ODF2: variants seen among roughly 807,000 people sequenced by gnomAD.
ODF2 encodes outer dense fiber protein 2.
Under a neutral mutation model 110.2 loss-of-function variants are expected in ODF2, and 47 were observed. That is an observed-to-expected ratio of 0.43 (90% CI 0.34 to 0.54). ODF2 has a LOEUF of 0.54. Among genes scored for constraint, ODF2 ranks in the 20% least tolerant of loss-of-function variants. The pLI, the probability that ODF2 is intolerant of heterozygous loss-of-function variation, is 0.03. For missense variants in ODF2, 812 were observed against 1,054.5 expected (o/e 0.77, Z 3.19); for synonymous variants, 352 against 397.7 (o/e 0.89, Z 1.37).
chr9:128,465,517 C>T (rs113567294), intron 4 of ODF2, among the ~76,000 whole-genome samples: 4,277 of 152,014 alleles, frequency 0.028, 105 homozygotes, highest in African/African-American at 0.069. Context: ...CCAAGGCAGG[C>T]GGATCATGAG....
chr9:128,457,503 A>G, intron 2 of ODF2: 2 of 1,506,494 alleles, frequency 1.3e-6, no homozygotes, highest in Non-Finnish European at 1.8e-6. Context: ...TCCCCAGGGC[A>G]GGCTCGCCTG....
Position 128,473,519 on chromosome 9 carries a change from G to A in ODF2, c.712-91G>A. On this transcript the variant is annotated intron_variant, in intron 7 of 20. Transcript: ENST00000604420. The stretch of plus-strand genomic sequence containing the variant: ...TACACAGCCTGGTTCTCCTTGTCTG[G>A]GCTTTCTGGCACCAGACCTCTTGAG... 6 of 1,560,902 alleles carry A rather than the reference G, an allele frequency of 3.8e-6. No homozygotes were observed. In the South Asian group the frequency reaches 6.0e-5, roughly 16 times the overall value.
chr9:128,484,416 G>A (rs760631841), intron 11 of ODF2, among the ~76,000 whole-genome samples: 3 of 152,156 alleles, frequency 2.0e-5, no homozygotes, highest in Non-Finnish European at 2.9e-5. Flanking sequence ...AACTATCTCT[G>A]ACCACAAGGC....
chr9:128,492,494 A>G, exon 15 of ODF2: 2 of 1,614,026 alleles, frequency 1.2e-6, no homozygotes, highest in African/African-American at 1.3e-5. Context: ...TGAAGGCCTC[A>G]GTGAAGAACT....
At chr9:128,499,154 G>C (rs1396033045) in intron 20 of ODF2, 28 bp downstream of exon 20, 2 of 1,613,774 alleles carry the variant, frequency 1.2e-6, no homozygotes, top group Non-Finnish European at 1.7e-6. Flanking sequence ...GCCGGGCTAG[G>C]AGAGTGGGCA....
At chr9:128,492,058 G>T (rs1302064020) in intron 14 of ODF2, among the ~76,000 whole-genome samples, 1 of 151,868 alleles carries the variant, frequency 6.6e-6, no homozygotes, top group Non-Finnish European at 1.5e-5. Flanking sequence ...GTAGAGACAG[G>T]ATTTCACTGT....
At chr9:128,467,001 AAAAAAAAAAAAAAATATATATAT>A (rs1838185528) in intron 4 of ODF2, among the ~76,000 whole-genome samples, 1 of 66,924 alleles carries the variant, frequency 1.5e-5, no homozygotes, top group East Asian at 4.6e-4. Flanking sequence ...AAAAAAAAAA[AAAAAAAAAAAAAAATATATATAT>A]ATATATATAT....
At chr9:128,479,050 C>A (rs1841917709) in intron 8 of ODF2, among the ~76,000 whole-genome samples, 1 of 152,158 alleles carries the variant, frequency 6.6e-6, no homozygotes, top group Admixed American at 6.5e-5. Flanking sequence ...CCAGGGGAGG[C>A]CTGGAGGGCA....
At chr9:128,460,950 C>G (rs2131489035) in exon 4 of ODF2, 2 of 1,614,204 alleles carry the variant, frequency 1.2e-6, no homozygotes, top group Non-Finnish European at 1.7e-6. Context: ...AGAAATCTCA[C>G]AAGCGAGGAA....
intron 4 of ODF2, 100 bp downstream of exon 4, chr9:128,461,167 T>C: frequency 6.9e-7 from 1 of 1,448,070 alleles, no homozygotes; most frequent in Non-Finnish European, 9.4e-7. Context: ...TACTGGAATG[T>C]CCTAACAGAC....
intron 5 of ODF2, among the ~76,000 whole-genome samples, chr9:128,469,639 C>T (rs535196496): frequency 2.0e-5 from 3 of 152,232 alleles, no homozygotes; most frequent in African/African-American, 4.8e-5. Context: ...GTGTTACTGT[C>T]CTCATTACAG....
chr9:128,497,446 A>AAAAATATAT (rs1554857542), intron 18 of ODF2: 7 of 42,594 alleles, frequency 1.6e-4, no homozygotes, highest in Non-Finnish European at 2.1e-4. Flanking sequence ...AAAAAAAAAA[A>AAAAATATAT]ATATATATAT....
chr9:128,476,632 G>C lies in ODF2; in HGVS notation c.843+2891G>C, dbSNP rs1841334166. 1.3e-5 allele frequency among the ~76,000 whole-genome samples: 2 copies of C among 148,692 alleles called. 1 individual carries two copies. Among genetic ancestry groups the C allele is most frequent in the Admixed American group, 1.3e-4 (2 of 14,924 alleles). ...GTTTTGTTTTAACATTGTCAACCTTGTTTTTATCTTTTTTTTTTTTCTTGA... is the reference window on the plus strand; with the variant it reads ...GTTTTGTTTTAACATTGTCAACCTTCTTTTTATCTTTTTTTTTTTTCTTGA... On this transcript the variant is annotated intron_variant, in intron 8 of 20. Transcript: ENST00000604420.
intron 13 of ODF2, among the ~76,000 whole-genome samples, chr9:128,486,139 C>T (rs778455275): frequency 1.3e-5 from 2 of 152,176 alleles, no homozygotes; most frequent in African/African-American, 4.8e-5. Flanking sequence ...CTGCCCTCTA[C>T]TCTGTAGAGG....
chr9:128,481,883 G>A (rs1450031656), intron 9 of ODF2, among the ~76,000 whole-genome samples: 1 of 152,198 alleles, frequency 6.6e-6, no homozygotes, highest in Non-Finnish European at 1.5e-5. Context: ...AACATAGAGA[G>A]GGTAATGATG....
intron 4 of ODF2, among the ~76,000 whole-genome samples, chr9:128,462,116 T>G (rs1836626888): frequency 6.6e-6 from 1 of 151,898 alleles, no homozygotes; most frequent in East Asian, 1.9e-4. Flanking sequence ...AACTATCTCC[T>G]GCCAGCAAGC....
In ODF2 at chr9:128,494,145, C is replaced by T. The variant is rs1159677926; in HGVS notation, c.1753-365C>T. 6.6e-6 allele frequency among the ~76,000 whole-genome samples: 1 copy of T among 152,122 alleles called. No individual in the cohort carries two copies. Among genetic ancestry groups the T allele is most frequent in the African/African-American group, 2.4e-5 (1 of 41,416 alleles). On this transcript the variant is annotated intron_variant, in intron 16 of 20. Coordinates refer to ENST00000604420, the Ensembl canonical transcript of ODF2. This position sits in a 1 kb window ranked among gnomAD's most constrained non-coding sequence, Gnocchi z 4.6. Reference sequence around the variant, plus strand: ...TGTTTACCAGTTTTTAGCTGAATGACCTTGGGCAAATGACTTAGCTCTCTT... The same window carrying T: ...TGTTTACCAGTTTTTAGCTGAATGATCTTGGGCAAATGACTTAGCTCTCTT...
chr9:128,455,198 T>C, upstream of ODF2: 1 of 1,535,386 alleles, frequency 6.5e-7, no homozygotes, highest in South Asian at 1.2e-5. Context: ...ATTGAGAAGA[T>C]GGCGGACCAG....
rs180995732 is a variant in ODF2 at position 128,477,759 on chromosome 9, C to T, written c.844-3821C>T. On this transcript the variant is annotated intron_variant, in intron 8 of 20. Coordinates refer to ENST00000604420, the Ensembl canonical transcript of ODF2. ...CAGCTGGGATTACAGGTGCCACTCCCGGCTAATTTTTGTATTTTTAGTTGA... is the reference window on the plus strand; with the variant it reads ...CAGCTGGGATTACAGGTGCCACTCCTGGCTAATTTTTGTATTTTTAGTTGA... Among the ~76,000 whole-genome samples, 186 of 151,652 alleles carry T rather than the reference C, an allele frequency of 1.2e-3. 1 individual carries two copies. Among genetic ancestry groups the T allele is most frequent in the Admixed American group, 4.1e-3 (63 of 15,206 alleles).
Sources: allele counts gnomAD v4.1 joint callset (sites outside exome capture counted in the v4.1 genomes callset), GRCh38; gene constraint gnomAD v4.1.1; non-coding constraint Gnocchi (gnomAD v3.1); transcripts MANE v1.5; gene names NCBI Gene and HGNC (gene_info 2026-07-23, HGNC 2026-07-21).